The following DACH1 variants were observed in gnomAD, a reference collection of about 807,000 sequenced individuals.
The protein encoded by DACH1 is dachshund homolog 1.
DACH1 carries 12 observed loss-of-function variants against 54.2 expected under a neutral mutation model. That is an observed-to-expected ratio of 0.22 (90% confidence interval 0.14 to 0.36). The LOEUF (loss-of-function observed/expected upper bound fraction) is 0.36. Among genes scored for constraint, DACH1 ranks in the 10% least tolerant of loss-of-function variants. The probability of loss-of-function intolerance (pLI) is 1.00; values close to 1 mark genes in which losing one functional copy is unlikely to be tolerated. For missense variants in DACH1, 805 were observed against 929.8 expected (o/e 0.87, Z 1.75); for synonymous variants, 386 against 366.2 (o/e 1.05, Z -0.62).
At chr13:71,639,359 A>G (rs1347382386) in intron 2 of DACH1, among the ~76,000 whole-genome samples, 4 of 152,152 alleles carry the variant, frequency 2.6e-5, no homozygotes, top group Admixed American at 6.6e-5. Context: ...CTTAATGTCC[A>G]TTAGACTGAC....
chr13:71,507,284 G>A (rs1647745732), intron 6 of DACH1, among the ~76,000 whole-genome samples: 2 of 152,054 alleles, frequency 1.3e-5, no homozygotes, highest in Non-Finnish European at 2.9e-5. Context: ...ATCTTATAAT[G>A]TATTCTAAAA....
At position 71,457,077 on chromosome 13, in the gene DACH1, C is replaced by A. The variant is rs1025963512; in HGVS notation, c.2084-16385G>T. Among the ~76,000 whole-genome samples the A allele has an allele frequency of 3.9e-4, 59 of 151,966 alleles. 1 individual carries two copies. Among genetic ancestry groups the A allele is most frequent in the African/African-American group, 1.4e-3 (58 of 41,406 alleles). On this transcript the variant is annotated intron_variant, in intron 10 of 10. Coordinates refer to ENST00000613252, the MANE Select transcript of DACH1 (RefSeq NM_080759.6). ...GCACGTTTTTCTTTATTTACCAAGA[C>A]TAAAGAATAATTTTTACTTCCCCTT...
intron 1 of DACH1, among the ~76,000 whole-genome samples, chr13:71,816,381 A>G (rs1303931654): frequency 1.3e-5 from 2 of 151,890 alleles, no homozygotes; most frequent in African/African-American, 4.8e-5. Context: ...AAAAGAGAAG[A>G]TATACCATTT....
In DACH1 at chr13:71,679,853, A is replaced by G. The variant is rs186373840; in HGVS notation, c.964+1942T>C. Among the ~76,000 whole-genome samples, 250 of 150,406 alleles carry G rather than the reference A, an allele frequency of 1.7e-3. 2 individuals carry two copies. Among genetic ancestry groups the G allele is most frequent in the African/African-American group, 5.7e-3 (234 of 41,100 alleles). On this transcript the variant is annotated intron_variant, in intron 2 of 10. Coordinates refer to ENST00000613252, the MANE Select transcript of DACH1 (RefSeq NM_080759.6). ...AAAAAAAATTCGGGCGTAGTGGCAC[A>G]TGCCCGTGATCCCACCTACTCCAGA...
chr13:71,461,054 T>C (rs375414796), intron 10 of DACH1, among the ~76,000 whole-genome samples: 1 of 152,084 alleles, frequency 6.6e-6, no homozygotes, highest in East Asian at 1.9e-4. Flanking sequence ...TATTAGCTAC[T>C]ATATTATATA....
intron 1 of DACH1, among the ~76,000 whole-genome samples, chr13:71,763,958 C>T (rs529584442): frequency 1.5e-4 from 23 of 152,064 alleles, no homozygotes; most frequent in African/African-American, 4.8e-4. Context: ...GTATTTTTAA[C>T]GAACATTTGT....
At chr13:71,864,704 G>A (rs1425768531) in intron 1 of DACH1, among the ~76,000 whole-genome samples, 1 of 152,046 alleles carries the variant, frequency 6.6e-6, no homozygotes, top group Admixed American at 6.6e-5. Flanking sequence ...AAAGGGGGTG[G>A]AATGATCATC....
At chr13:71,563,595 T>C (rs758473746) in intron 4 of DACH1, among the ~76,000 whole-genome samples, 25 of 151,904 alleles carry the variant, frequency 1.6e-4, no homozygotes, top group Non-Finnish European at 3.1e-4. Flanking sequence ...ATCCCTTTAA[T>C]TCATGAATTG....
chr13:71,631,005 G>A (rs538619109), intron 2 of DACH1, among the ~76,000 whole-genome samples: 4 of 152,096 alleles, frequency 2.6e-5, no homozygotes, highest in Non-Finnish European at 4.4e-5. Flanking sequence ...ACCAATCTAC[G>A]AATCTAAATA....
At chr13:71,755,538 C>G (rs553670336) in intron 1 of DACH1, among the ~76,000 whole-genome samples, 4 of 152,278 alleles carry the variant, frequency 2.6e-5, no homozygotes, top group African/African-American at 9.6e-5. Context: ...TCTAATTTGT[C>G]TTGTTTTGCA....
At chr13:71,636,075 C>G (rs1257032877) in intron 2 of DACH1, among the ~76,000 whole-genome samples, 1 of 152,134 alleles carries the variant, frequency 6.6e-6, no homozygotes, top group Admixed American at 6.6e-5. Context: ...TGAGCCACTG[C>G]GCCCACCCTG....
intron 1 of DACH1, among the ~76,000 whole-genome samples, chr13:71,852,216 C>T (rs1873713085): frequency 6.6e-6 from 1 of 152,208 alleles, no homozygotes; most frequent in Non-Finnish European, 1.5e-5. Flanking sequence ...TGACTACCCG[C>T]TGCTTAACAA....
chr13:71,496,429 A>T (rs747883384), intron 6 of DACH1, among the ~76,000 whole-genome samples: 2 of 151,266 alleles, frequency 1.3e-5, no homozygotes, highest in Non-Finnish European at 2.9e-5. Context: ...ATATGACTGG[A>T]TCTGGAGGCC....
At chr13:71,742,816 T>G (rs932527815) in intron 1 of DACH1, among the ~76,000 whole-genome samples, 1 of 152,140 alleles carries the variant, frequency 6.6e-6, no homozygotes, top group East Asian at 1.9e-4. Context: ...TATAGACAAC[T>G]TAAATAAGCA....
At chr13:71,476,707 C>A (rs1203727483) in intron 8 of DACH1, among the ~76,000 whole-genome samples, 1 of 152,070 alleles carries the variant, frequency 6.6e-6, no homozygotes, top group African/African-American at 2.4e-5. Flanking sequence ...ATGATACATA[C>A]TCGATAAATA....
chr13:71,761,938 A>G (rs1885416027), intron 1 of DACH1, among the ~76,000 whole-genome samples: 2 of 152,160 alleles, frequency 1.3e-5, no homozygotes, highest in East Asian at 3.8e-4. Context: ...TTAATAAACT[A>G]TCAAAAATGT....
chr13:71,810,511 A>G (rs957962885), intron 1 of DACH1, among the ~76,000 whole-genome samples: 3 of 152,202 alleles, frequency 2.0e-5, no homozygotes, highest in African/African-American at 7.2e-5. Flanking sequence ...TTCATTCCCA[A>G]AGAATTCACT....
intron 2 of DACH1, among the ~76,000 whole-genome samples, chr13:71,654,445 A>AAAAT (rs1183855823): frequency 2.8e-5 from 4 of 141,624 alleles, no homozygotes; most frequent in Non-Finnish European, 6.1e-5. Context: ...AAAATAAAAT[A>AAAAT]AAATAAAATA....
chr13:71,558,302 T>C (rs1884381473), intron 5 of DACH1, among the ~76,000 whole-genome samples: 1 of 151,986 alleles, frequency 6.6e-6, no homozygotes, highest in South Asian at 2.1e-4. Flanking sequence ...TCTGTTAGTC[T>C]AAAATTACTT....
Sources: gnomAD v4.1 joint callset for allele counts (sites outside exome capture counted in the v4.1 genomes callset) on GRCh38, gnomAD v4.1.1 for gene constraint, MANE v1.5 for transcripts, NCBI Gene and HGNC (gene_info 2026-07-23, HGNC 2026-07-21) for gene names.